Variants in FBXO31 observed in about 807,000 individuals in gnomAD.
FBXO31 encodes the protein F-box only protein 31.
A neutral mutation model predicts 54.4 loss-of-function variants in FBXO31; 24 were observed. The observed-to-expected ratio is 0.44, with a 90% confidence interval of 0.32 to 0.62. FBXO31 has a LOEUF of 0.62. FBXO31 is among the 20% of genes least tolerant of loss of function. FBXO31 has a pLI of 0.05. For synonymous variants in FBXO31, 388 were observed against 335.6 expected (o/e 1.16, Z -1.71); for missense variants, 665 against 787.1 (o/e 0.84, Z 1.86).
At chr16:87,373,484 CACACATACATACCTGAATATATATAT>C (rs1374425865) in intron 1 of FBXO31, among the ~76,000 whole-genome samples, 2 of 151,620 alleles carry the variant, frequency 1.3e-5, no homozygotes, top group Admixed American at 6.6e-5. Flanking sequence ...CATATATACA[CACACATACATACCTGAATATATATAT>C]ACACATACAT....
At chr16:87,383,931 C>G, upstream of FBXO31, 1 of 296,030 alleles carries the variant, frequency 3.4e-6, no homozygotes. This position sits in a 1 kb window ranked among gnomAD's most constrained non-coding sequence, Gnocchi z 4.9. Flanking sequence ...CTCAGAGACC[C>G]CGCACTGCTG....
intron 1 of FBXO31, among the ~76,000 whole-genome samples, chr16:87,379,246 C>G (rs1906965836): frequency 6.6e-6 from 1 of 152,060 alleles, no homozygotes; most frequent in African/African-American, 2.4e-5. Flanking sequence ...CTCTGTAGGA[C>G]AGATCAGTCA....
At chr16:87,333,523 G>A (rs1174194947) in intron 8 of FBXO31, among the ~76,000 whole-genome samples, 2 of 152,238 alleles carry the variant, frequency 1.3e-5, no homozygotes, top group African/African-American at 4.8e-5. Context: ...AAAGCTGCTG[G>A]ACAGTTTACA....
chr16:87,369,557 T>C (rs900315165), intron 1 of FBXO31, among the ~76,000 whole-genome samples: 1 of 152,236 alleles, frequency 6.6e-6, no homozygotes, highest in Non-Finnish European at 1.5e-5. Flanking sequence ...GACCACGCTG[T>C]GTTCATCCGT....
intron 8 of FBXO31, among the ~76,000 whole-genome samples, chr16:87,333,380 C>G (rs1471990621): frequency 6.6e-6 from 1 of 152,164 alleles, no homozygotes; most frequent in Non-Finnish European, 1.5e-5. Context: ...GGCAGGAAAG[C>G]AGGACCCACA....
In FBXO31 at chr16:87,380,944, G is replaced by A. The variant is rs1907050098; in HGVS notation, c.340+2461C>T. ...AATTTTTGATTACACAAAAAACCTT[G>A]TTATCCCTCTGCTGAGCCATATATA... On this transcript the variant is annotated intron_variant, in intron 1 of 8. Transcript: ENST00000311635. 2.0e-5 allele frequency among the ~76,000 whole-genome samples: 3 copies of A among 152,268 alleles called. No homozygotes were observed. In the South Asian group the frequency reaches 6.2e-4, roughly 32 times the overall value.
chr16:87,370,981 G>A (rs1906578446), intron 1 of FBXO31, among the ~76,000 whole-genome samples: 1 of 152,154 alleles, frequency 6.6e-6, no homozygotes, highest in African/African-American at 2.4e-5. Flanking sequence ...TCCAAGAACA[G>A]CGCCCCAACT....
intron 1 of FBXO31, among the ~76,000 whole-genome samples, chr16:87,373,144 A>C (rs1468030053): frequency 6.6e-6 from 1 of 151,718 alleles, no homozygotes; most frequent in Non-Finnish European, 1.5e-5. Flanking sequence ...GATGTGATCC[A>C]CAACACCCAG....
rs1907163556 is a variant in FBXO31, at chr16:87,383,259, C to T, written c.340+146G>A. The T allele has an allele frequency of 1.3e-6, 1 of 786,416 alleles. No homozygotes were observed. Among genetic ancestry groups the T allele is most frequent in the African/African-American group, 1.9e-5 (1 of 53,418 alleles). 48.7% of individuals were successfully genotyped at this position (786,416 alleles called of 1,614,324 possible). ...TGGTGTCACCGCGGCCGCTCCCCAC[C>T]CACACCCAAAACACCACATCGCCGG... On this transcript the variant is annotated intron_variant, in intron 1 of 8. Coordinates refer to ENST00000311635, the MANE Select transcript of FBXO31 (RefSeq NM_024735.5). This position sits in a 1 kb window ranked among gnomAD's most constrained non-coding sequence, Gnocchi z 4.9.
At chr16:87,367,391 G>A (rs1400591518) in intron 1 of FBXO31, 1 of 152,070 alleles carries the variant, frequency 6.6e-6, no homozygotes, top group Non-Finnish European at 1.5e-5. Context: ...ACTGAGCCGA[G>A]CTCCGCACCA....
chr16:87,332,782 G>A (rs570143858), intron 8 of FBXO31, among the ~76,000 whole-genome samples: 38 of 151,500 alleles, frequency 2.5e-4, no homozygotes, highest in African/African-American at 8.7e-4. Flanking sequence ...CTCCGTGACA[G>A]GAAGTTTAGC....
At chr16:87,379,260 T>G (rs931420190) in intron 1 of FBXO31, among the ~76,000 whole-genome samples, 4 of 151,804 alleles carry the variant, frequency 2.6e-5, no homozygotes, top group African/African-American at 9.7e-5. Context: ...TCAGTCAGAG[T>G]GGTGGGAAAA....
intron 1 of FBXO31, chr16:87,362,386 A>G (rs1275799201): frequency 6.6e-6 from 1 of 151,916 alleles, no homozygotes; most frequent in African/African-American, 2.4e-5. Context: ...ACATACATAC[A>G]TACATTTATT....
Position 87,335,802 on chromosome 16 carries a change from G to A in FBXO31, c.843-345C>T, listed in dbSNP as rs74038727. Among the ~76,000 whole-genome samples the A allele has an allele frequency of 9.2e-3, 1,395 of 152,270 alleles. 24 individuals carry two copies. The highest frequency in any genetic ancestry group is 0.032 in the African/African-American group (1,334 of 41,548). On this transcript the variant is annotated intron_variant, in intron 6 of 8. Coordinates refer to ENST00000311635, the MANE Select transcript of FBXO31 (RefSeq NM_024735.5). The surrounding 1 kb of genome is among the most constrained non-coding windows in gnomAD (Gnocchi z 5.7). Reference sequence around the variant, plus strand: ...AGGGGATCCCCGCACTGGGCTGAGCGGGGCTGAGCTCTAGAGTGCCAGTGT... The same window carrying A: ...AGGGGATCCCCGCACTGGGCTGAGCAGGGCTGAGCTCTAGAGTGCCAGTGT...
chr16:87,376,339 T>G (rs910944491), intron 1 of FBXO31, among the ~76,000 whole-genome samples: 1 of 151,784 alleles, frequency 6.6e-6, no homozygotes, highest in Non-Finnish European at 1.5e-5. Context: ...AGTGGCGCGA[T>G]CTCAGCTCAC....
At chr16:87,368,527 G>T (rs873222) in intron 1 of FBXO31, among the ~76,000 whole-genome samples, 5 of 151,872 alleles carry the variant, frequency 3.3e-5, no homozygotes, top group African/African-American at 1.2e-4. Context: ...CGGCCAGCAC[G>T]ACCTGTGCTG....
At chr16:87,355,927 C>G (rs1414070540) in intron 2 of FBXO31, among the ~76,000 whole-genome samples, 1 of 152,160 alleles carries the variant, frequency 6.6e-6, no homozygotes, top group East Asian at 1.9e-4. Flanking sequence ...AGTGCACATT[C>G]CAGAGAAATA....
chr16:87,362,786 C>T (rs1906194126), intron 1 of FBXO31, among the ~76,000 whole-genome samples: 1 of 152,188 alleles, frequency 6.6e-6, no homozygotes, highest in African/African-American at 2.4e-5. Flanking sequence ...GGCTGGTCTC[C>T]AACTCCTGAC....
Position 87,356,448 on chromosome 16 carries a change from G to C in FBXO31, c.412+3847C>G, listed in dbSNP as rs556727423. The stretch of plus-strand genomic sequence containing the variant: ...CCACCTCGGCCCCTTCCAGCCCCGT[G>C]TTCCCCGTCCACAGACTCCTGAGAG... On this transcript the variant is annotated intron_variant, in intron 2 of 8. Coordinates refer to ENST00000311635, the MANE Select transcript of FBXO31 (RefSeq NM_024735.5). 9.2e-5 allele frequency among the ~76,000 whole-genome samples: 14 copies of C among 152,054 alleles called. No homozygotes were observed. The East Asian group carries it at 2.7e-3, about 30-fold the overall frequency.
Sources: allele counts gnomAD v4.1 joint callset (sites outside exome capture counted in the v4.1 genomes callset), GRCh38; gene constraint gnomAD v4.1.1; non-coding constraint Gnocchi (gnomAD v3.1); transcripts MANE v1.5; gene names NCBI Gene and HGNC (gene_info 2026-07-23, HGNC 2026-07-21).